CSMD1: variants seen among roughly 807,000 people sequenced by gnomAD.
CSMD1 encodes CUB and Sushi multiple domains 1, also known as CUB and sushi domain-containing protein 1.
CSMD1 carries 213 observed loss-of-function variants against 417.5 expected under a neutral mutation model. The observed-to-expected ratio is 0.51, with a 90% CI of 0.46 to 0.57. The LOEUF is 0.57. Among genes scored for constraint, CSMD1 ranks in the 20% least tolerant of loss-of-function variants. The pLI, the probability that CSMD1 is intolerant of heterozygous loss-of-function variation, is 0.00. For synonymous variants in CSMD1, 2,862 were observed against 1,736.8 expected (o/e 1.65, Z -16.11); for missense variants, 6,923 against 4,529.7 (o/e 1.53, Z -15.17).
At chr8:4,925,470 T>G (rs1267343605) in intron 1 of CSMD1, among the ~76,000 whole-genome samples, 1 of 152,096 alleles carries the variant, frequency 6.6e-6, no homozygotes, top group Admixed American at 6.5e-5. Context: ...CATAAAATAT[T>G]TAAAACTCAG....
At chr8:4,174,176 T>C (rs912452387) in intron 3 of CSMD1, among the ~76,000 whole-genome samples, 1 of 152,104 alleles carries the variant, frequency 6.6e-6, no homozygotes, top group African/African-American at 2.4e-5. Context: ...GAGGAGAATG[T>C]TAAACTACTG....
chr8:4,263,153 T>G (rs558602593), intron 3 of CSMD1, among the ~76,000 whole-genome samples: 1 of 152,140 alleles, frequency 6.6e-6, no homozygotes, highest in Non-Finnish European at 1.5e-5. Context: ...ATGTATTACG[T>G]AAAAGCAATG....
chr8:3,449,260 T>A (rs1815529753), intron 12 of CSMD1, among the ~76,000 whole-genome samples: 1 of 152,190 alleles, frequency 6.6e-6, no homozygotes, highest in South Asian at 2.1e-4. Flanking sequence ...ACAGGCTTAT[T>A]CTGAAAAATA....
At chr8:3,402,613 C>T (rs1210454469) in intron 15 of CSMD1, among the ~76,000 whole-genome samples, 2 of 152,110 alleles carry the variant, frequency 1.3e-5, no homozygotes, top group Non-Finnish European at 2.9e-5. Flanking sequence ...AAAAATTGCT[C>T]TATTGTGAGC....
chr8:4,031,852 A>T lies in CSMD1; in HGVS notation c.610+53T>A, dbSNP rs1797362981. On this transcript the variant is annotated intron_variant, in intron 4 of 69. Coordinates refer to ENST00000635120, the MANE Select transcript of CSMD1 (RefSeq NM_033225.6). The stretch of plus-strand genomic sequence containing the variant: ...GGAAACTTTCATAAAAGCATCTCCA[A>T]AACCATTGCCCTGCCCTGGAGTCTG... The T allele has an allele frequency of 2.2e-6, 3 of 1,390,008 alleles. No homozygotes were observed. The Middle Eastern group carries it at 7.5e-4, about 346-fold the overall frequency. The allele number at this position is 1,390,008 out of a possible 1,614,324, so 86.1% of individuals were successfully genotyped here. A position where few individuals can be genotyped will look rare whatever the true frequency, so the allele number is the denominator to read the frequency against.
At chr8:4,733,928 T>C (rs1273599839) in intron 1 of CSMD1, among the ~76,000 whole-genome samples, 1 of 152,190 alleles carries the variant, frequency 6.6e-6, no homozygotes, top group Non-Finnish European at 1.5e-5. Flanking sequence ...GGATAGCATT[T>C]ATGGTAATTA....
rs1801546947 is a variant in CSMD1, at chr8:3,712,159, T to TGTA, written c.932-3669_932-3668insTAC. Among the ~76,000 whole-genome samples, 2 of 151,868 alleles carry TGTA rather than the reference T, an allele frequency of 1.3e-5. 1 individual carries two copies. The highest frequency in any genetic ancestry group is 4.8e-5 in the African/African-American group (2 of 41,328). On this transcript the variant is annotated intron_variant, in intron 6 of 69. Coordinates refer to ENST00000635120, the MANE Select transcript of CSMD1 (RefSeq NM_033225.6). ...TCCTGAGTTGTAATTTGTTTCAAGT[T>TGTA]ACTACGTTCTCTTATTGGACAGCTC...
intron 3 of CSMD1, among the ~76,000 whole-genome samples, chr8:4,327,753 C>T (rs1446878790): frequency 6.6e-6 from 1 of 152,204 alleles, no homozygotes; most frequent in African/African-American, 2.4e-5. Flanking sequence ...AACATTGTTA[C>T]ATACATTATT....
intron 3 of CSMD1, among the ~76,000 whole-genome samples, chr8:4,142,055 A>AT (rs199504227): frequency 6.6e-6 from 1 of 151,082 alleles, no homozygotes; most frequent in Non-Finnish European, 1.5e-5. Context: ...GTTTGAATAT[A>AT]TAAGTTGAAA....
chr8:3,285,371 C>T (rs894276608), intron 25 of CSMD1, among the ~76,000 whole-genome samples: 6 of 148,646 alleles, frequency 4.0e-5, no homozygotes, highest in African/African-American at 1.2e-4. Context: ...CTACATTTTG[C>T]CCTATTTTTG....
chr8:3,715,946 G>A (rs986939073), intron 6 of CSMD1, among the ~76,000 whole-genome samples: 5 of 152,140 alleles, frequency 3.3e-5, no homozygotes, highest in Non-Finnish European at 7.4e-5. Context: ...TGGACATGAT[G>A]GAGGAAACCC....
chr8:4,359,700 T>TGTGTTTA (rs1801640718), intron 3 of CSMD1, among the ~76,000 whole-genome samples: 1 of 152,218 alleles, frequency 6.6e-6, no homozygotes, highest in Non-Finnish European at 1.5e-5. Context: ...TGGGTTTTAG[T>TGTGTTTA]GTGTTTGTCT....
At chr8:4,103,917 C>T (rs998223995) in intron 3 of CSMD1, among the ~76,000 whole-genome samples, 24 of 152,230 alleles carry the variant, frequency 1.6e-4, no homozygotes, top group African/African-American at 4.1e-4. Flanking sequence ...GGCCAAACAG[C>T]TTTGTGCCTG....
intron 1 of CSMD1, among the ~76,000 whole-genome samples, chr8:4,692,402 C>T (rs896382713): frequency 6.6e-6 from 1 of 152,110 alleles, no homozygotes; most frequent in Non-Finnish European, 1.5e-5. Context: ...ACACATATCC[C>T]GGTTGCTTTT....
At chr8:4,577,820 C>A (rs1304741956) in intron 2 of CSMD1, among the ~76,000 whole-genome samples, 1 of 152,140 alleles carries the variant, frequency 6.6e-6, no homozygotes, top group Non-Finnish European at 1.5e-5. Context: ...AGCTACATTC[C>A]TTGGCCTTGC....
intron 1 of CSMD1, among the ~76,000 whole-genome samples, chr8:4,743,919 G>C (rs542122765): frequency 1.3e-5 from 2 of 152,256 alleles, no homozygotes; most frequent in East Asian, 1.9e-4. Context: ...AAAGCTAGAA[G>C]TTTATAAACC....
rs372274782 is a variant in CSMD1, at chr8:2,962,625, C to A, written c.9469G>T (p.Asp3157Tyr). 7 of 1,613,616 alleles carry A rather than the reference C, an allele frequency of 4.3e-6. No homozygotes were observed. The Admixed American group carries it at 8.3e-5, about 19-fold the overall frequency. ...CGCCCTTCTGCGGGGATGCCAGGGTCTCCGCAGAACACAGCTATGGAAGAT... is the reference window on the plus strand; with the variant it reads ...CGCCCTTCTGCGGGGATGCCAGGGTATCCGCAGAACACAGCTATGGAAGAT... ...IPQCLPVFCGDPGIPAEGRLS... is the reference protein window; with the variant it reads ...IPQCLPVFCGYPGIPAEGRLS... Residue 3157 changes from aspartate to tyrosine, a missense_variant, in exon 61 of 70, where the codon GAC becomes TAC. Asp to Tyr is a radical substitution (Grantham distance 160). Coordinates refer to ENST00000635120, the MANE Select transcript of CSMD1 (RefSeq NM_033225.6).
At chr8:3,018,972 C>T (rs938859113) in intron 51 of CSMD1, among the ~76,000 whole-genome samples, 2 of 152,132 alleles carry the variant, frequency 1.3e-5, no homozygotes, top group Non-Finnish European at 2.9e-5. Flanking sequence ...GGTTGGAGTG[C>T]AGTGGCGCTA....
At chr8:3,947,172 T>C (rs1811285514) in intron 5 of CSMD1, among the ~76,000 whole-genome samples, 1 of 152,240 alleles carries the variant, frequency 6.6e-6, no homozygotes, top group Non-Finnish European at 1.5e-5. Context: ...TTTCCATGGA[T>C]GCCCTTTACT....
Sources: allele counts gnomAD v4.1 joint callset (sites outside exome capture counted in the v4.1 genomes callset), GRCh38; gene constraint gnomAD v4.1.1; transcripts MANE v1.5; gene names NCBI Gene and HGNC (gene_info 2026-07-23, HGNC 2026-07-21).